The following SIK2 variants were observed in gnomAD, a reference collection of about 807,000 sequenced individuals.
SIK2 encodes serine/threonine-protein kinase SIK2.
A neutral mutation model predicts 103.2 loss-of-function variants in SIK2; 29 were observed. The ratio of observed to expected loss-of-function variants is 0.28; its 90% CI spans 0.21 to 0.38. The LOEUF (loss-of-function observed/expected upper bound fraction) is 0.38, where lower values mean the gene tolerates loss of function less well. Ranked by LOEUF, SIK2 falls within the 10% of genes least tolerant of loss-of-function variation. The probability of loss-of-function intolerance (pLI) is 1.00; values close to 1 mark genes in which losing one functional copy is unlikely to be tolerated. For synonymous variants in SIK2, 412 were observed against 446.1 expected, an observed-to-expected ratio of 0.92 and a Z score of 0.96; for missense variants, 879 against 1,171.0, an observed-to-expected ratio of 0.75 and a Z score of 3.64.
chr11:111,644,948 G>A (rs1003393956), intron 3 of SIK2, among the ~76,000 whole-genome samples: 1 of 152,126 alleles, frequency 6.6e-6, no homozygotes, highest in Non-Finnish European at 1.5e-5. Flanking sequence ...TACTTGTTCA[G>A]AGCCTGTCGA....
intron 4 of SIK2, among the ~76,000 whole-genome samples, chr11:111,693,108 C>T (rs527908914): frequency 7.2e-5 from 11 of 151,990 alleles, no homozygotes; most frequent in East Asian, 5.8e-4. Context: ...CCAAGGTGGG[C>T]GGATCACGAG....
In SIK2 at chr11:111,670,503, C is replaced by T. The variant is rs535379921; in HGVS notation, c.317-17498C>T. On this transcript the variant is annotated intron_variant, in intron 3 of 14. Coordinates refer to ENST00000304987, the MANE Select transcript of SIK2 (RefSeq NM_015191.3). ...TTCCAGCTTGTCTGGTTAATAGACACCCTTATTTATATAAAAGTTTAATGG... is the reference window on the plus strand; with the variant it reads ...TTCCAGCTTGTCTGGTTAATAGACATCCTTATTTATATAAAAGTTTAATGG... 8.5e-4 allele frequency among the ~76,000 whole-genome samples: 130 copies of T among 152,246 alleles called. 2 individuals carry two copies. Among genetic ancestry groups the T allele is most frequent in the Non-Finnish European group, 1.7e-3 (114 of 68,012 alleles).
intron 8 of SIK2, among the ~76,000 whole-genome samples, chr11:111,711,182 G>T (rs184542398): frequency 4.6e-5 from 7 of 151,674 alleles, no homozygotes; most frequent in African/African-American, 1.7e-4. Context: ...GCAGTGGCGG[G>T]ATCTTGGCTC....
At chr11:111,689,110 A>T (rs905180358) in intron 4 of SIK2, among the ~76,000 whole-genome samples, 1 of 152,278 alleles carries the variant, frequency 6.6e-6, no homozygotes, top group East Asian at 1.9e-4. Context: ...GTAGACAGAG[A>T]TTGGAATGTT....
At position 111,602,975 on chromosome 11, in the gene SIK2, G is replaced by A. The variant is rs999927931; in HGVS notation, c.135+277G>A. Among the ~76,000 whole-genome samples, 8 of 151,990 alleles carry A rather than the reference G, an allele frequency of 5.3e-5. No homozygotes were observed. Among genetic ancestry groups the A allele is most frequent in the African/African-American group, 1.9e-4 (8 of 41,408 alleles). On this transcript the variant is annotated intron_variant, in intron 1 of 14. Coordinates refer to ENST00000304987, the MANE Select transcript of SIK2 (RefSeq NM_015191.3). This position sits in a 1 kb window ranked among gnomAD's most constrained non-coding sequence, Gnocchi z 4.5. ...CCTACGCCACCCCCGGTGGCCACCC[G>A]GAATTTCGCCCAGAGCCCCCCACCC... is the stretch of plus-strand genomic sequence containing the variant.
At chr11:111,677,411 T>C (rs1942716906) in intron 3 of SIK2, among the ~76,000 whole-genome samples, 1 of 151,732 alleles carries the variant, frequency 6.6e-6, no homozygotes, top group East Asian at 1.9e-4. Flanking sequence ...TGATTAAAGT[T>C]GTTTTTTGTT....
At chr11:111,615,186 C>T (rs1941788790) in intron 1 of SIK2, among the ~76,000 whole-genome samples, 1 of 151,110 alleles carries the variant, frequency 6.6e-6, no homozygotes, top group African/African-American at 2.4e-5. Flanking sequence ...CATGGTGGCT[C>T]ACACCTGTAA....
At chr11:111,636,438 A>T (rs1312103910) in intron 3 of SIK2, among the ~76,000 whole-genome samples, 2 of 152,240 alleles carry the variant, frequency 1.3e-5, no homozygotes, top group African/African-American at 2.4e-5. Flanking sequence ...TATGTGTCAC[A>T]CATGGTACTA....
chr11:111,617,147 T>C (rs547670236), intron 2 of SIK2, among the ~76,000 whole-genome samples: 14 of 152,274 alleles, frequency 9.2e-5, no homozygotes, highest in African/African-American at 2.6e-4. Flanking sequence ...TTTTTTGTCA[T>C]TGTTTTTCAT....
At chr11:111,682,614 T>C (rs118183834) in intron 3 of SIK2, among the ~76,000 whole-genome samples, 2,761 of 152,332 alleles carry the variant, frequency 0.018, 52 homozygotes, top group Non-Finnish European at 0.026. Flanking sequence ...AAAATTGCTT[T>C]ATGTTACATG....
At chr11:111,620,471 C>T in intron 3 of SIK2, 69 bp downstream of exon 3, 6 of 1,004,960 alleles carry the variant, frequency 6.0e-6, no homozygotes, top group Non-Finnish European at 9.0e-6. Context: ...GGGGTATTTT[C>T]TGTTAATTTT....
chr11:111,678,832 C>G (rs974957344), intron 3 of SIK2, among the ~76,000 whole-genome samples: 12 of 152,124 alleles, frequency 7.9e-5, no homozygotes, highest in Non-Finnish European at 8.8e-5. Flanking sequence ...TGGAATAAAA[C>G]CCCCTTTAAG....
chr11:111,611,945 C>T (rs1388842780), intron 1 of SIK2, among the ~76,000 whole-genome samples: 1 of 151,274 alleles, frequency 6.6e-6, no homozygotes, highest in East Asian at 1.9e-4. Flanking sequence ...AAATTAAGGA[C>T]TTTCAGTGCA....
intron 3 of SIK2, among the ~76,000 whole-genome samples, chr11:111,687,483 C>T (rs1285009532): frequency 6.8e-6 from 1 of 147,962 alleles, no homozygotes; most frequent in African/African-American, 2.5e-5. Context: ...CCACTACACT[C>T]CAGCCTGGGC....
chr11:111,602,638 G>A lies in SIK2; in HGVS notation c.75G>A (p.Thr25=), dbSNP rs760227326. The A allele has an allele frequency of 1.3e-6, 2 of 1,533,240 alleles. No homozygotes were observed. The highest frequency in any genetic ancestry group is 1.8e-6 in the Non-Finnish European group (2 of 1,139,124). 95.0% of individuals were successfully genotyped at this position (1,533,240 alleles called of 1,614,324 possible). The change falls in exon 1 of 15, where the codon ACG becomes ACA. Residue 25 remains threonine (T), a synonymous_variant. Transcript: ENST00000304987. This position sits in a 1 kb window ranked among gnomAD's most constrained non-coding sequence, Gnocchi z 4.5. ...VRVGFYDIEG[T]LGKGNFAVVK... is the part of the protein sequence containing the mutation. The stretch of plus-strand genomic sequence containing the variant: ...TGGGGTTCTACGACATCGAGGGCAC[G>A]CTGGGCAAGGGCAACTTCGCTGTGG...
chr11:111,672,326 T>C (rs2135881328), intron 3 of SIK2: 1 of 431,482 alleles, frequency 2.3e-6, no homozygotes, highest in Non-Finnish European at 4.1e-6. Flanking sequence ...CCAGGCCTGC[T>C]CGTGGAGGAG....
In SIK2 at chr11:111,602,515, T is replaced by TCCCG. The variant is rs1009195664; in HGVS notation, c.-39_-36dup. The TCCCG allele has an allele frequency of 1.3e-5, 18 of 1,414,914 alleles. No homozygotes were observed. Among genetic ancestry groups the TCCCG allele is most frequent in the African/African-American group, 1.5e-5 (1 of 66,826 alleles). 87.6% of individuals were successfully genotyped at this position (1,414,914 alleles called of 1,614,324 possible). A position where few individuals can be genotyped will look rare whatever the true frequency, so the allele number is the denominator to read the frequency against. On this transcript the variant is annotated 5_prime_UTR_variant, in exon 1 of 15. Coordinates refer to ENST00000304987, the MANE Select transcript of SIK2 (RefSeq NM_015191.3). The surrounding 1 kb of genome is among the most constrained non-coding windows in gnomAD (Gnocchi z 4.5). ...CCAAGCCAAGCCGCGCTGCCAACCC[T>TCCCG]CCCGCCCGCCCGCGCTCCTGTCCGC...
Position 111,703,443 on chromosome 11 carries a change from C to T in SIK2, c.948+20C>T, listed in dbSNP as rs769110541. 71 of 1,607,904 alleles carry T rather than the reference C, an allele frequency of 4.4e-5. No homozygotes were observed. The highest frequency in any genetic ancestry group is 1.9e-4 in the Middle Eastern group (1 of 5,138). On this transcript the variant is annotated intron_variant, in intron 7 of 14. Coordinates refer to ENST00000304987, the MANE Select transcript of SIK2 (RefSeq NM_015191.3). ...ATTGAGGTAAAGTGATCAGAGATTT[C>T]GGGGTTCTACTGCACTTAGCTACTT...
In SIK2 at chr11:111,698,355, C is replaced by T. The variant is rs142260396; in HGVS notation, c.479-2531C>T. Among the ~76,000 whole-genome samples the T allele has an allele frequency of 4.6e-5, 7 of 152,336 alleles. No homozygotes were observed. The East Asian group carries it at 1.3e-3, about 29-fold the overall frequency. On this transcript the variant is annotated intron_variant, in intron 4 of 14. Transcript: ENST00000304987. Reference sequence around the variant, plus strand: ...TAAAGAGGCCAGGCCACCTTCTTGACAGGCCTCTGTCCCATTCACTCCTTT... The same window carrying T: ...TAAAGAGGCCAGGCCACCTTCTTGATAGGCCTCTGTCCCATTCACTCCTTT...
Sources: gnomAD v4.1 joint callset for allele counts (sites outside exome capture counted in the v4.1 genomes callset) on GRCh38, gnomAD v4.1.1 for gene constraint, Gnocchi (gnomAD v3.1) non-coding constraint, MANE v1.5 for transcripts, NCBI Gene and HGNC (gene_info 2026-07-23, HGNC 2026-07-21) for gene names.